Variants in GPR89B observed in about 807,000 individuals in gnomAD.
The protein encoded by GPR89B is golgi pH regulator B, also known as G protein-coupled receptor 89B.
A neutral mutation model predicts 52.4 loss-of-function variants in GPR89B; 25 were observed. The ratio of observed to expected loss-of-function variants is 0.48; its 90% confidence interval spans 0.35 to 0.67. The LOEUF (loss-of-function observed/expected upper bound fraction) is 0.67, where lower values mean the gene tolerates loss of function less well. Among genes scored for constraint, GPR89B ranks in the 30% least tolerant of loss-of-function variants. GPR89B has a pLI of 0.01. For synonymous variants in GPR89B, 52 were observed against 151.2 expected, an observed-to-expected ratio of 0.34 and a Z score of 4.81; for missense variants, 146 against 450.2, an observed-to-expected ratio of 0.32 and a Z score of 6.11.
chr1:148,001,574 CAG>C, the GPR89B span: 4 of 915,090 alleles, frequency 4.4e-6, no homozygotes, highest in Admixed American at 4.1e-5. Flanking sequence ...AAAAATAAAA[CAG>C]ATTTTCTGCT....
chr1:147,989,809 A>G (rs1658928369), intron 12 of GPR89B, among the ~76,000 whole-genome samples: 1 of 151,992 alleles, frequency 6.6e-6, no homozygotes, highest in East Asian at 1.9e-4. Context: ...TATGTGCCAC[A>G]TTTTCTTAAT....
chr1:147,932,922 CACTT>C (rs1215322687), intron 1 of GPR89B, among the ~76,000 whole-genome samples: 14 of 152,188 alleles, frequency 9.2e-5, no homozygotes, highest in Non-Finnish European at 1.6e-4. Flanking sequence ...TTGATTCTGA[CACTT>C]ACTATAAATT....
rs1425602305 is a variant in GPR89B at position 147,988,305 on chromosome 1, G to GA, written c.1006-119dup. On this transcript the variant is annotated intron_variant, in intron 11 of 13. Transcript: ENST00000314163. Reference sequence around the variant, plus strand: ...TTACTTGCTTTCCTCTCTCCCTTAAGAAAAAAAATCAGGTAGGGTCTAATA... The same window carrying GA: ...TTACTTGCTTTCCTCTCTCCCTTAAGAAAAAAAAATCAGGTAGGGTCTAATA... 5.0e-4 allele frequency: 621 copies of GA among 1,236,840 alleles called. 2 individuals carry two copies. Among genetic ancestry groups the GA allele is most frequent in the South Asian group, 1.0e-3 (83 of 79,576 alleles). 76.6% of individuals were successfully genotyped at this position (1,236,840 alleles called of 1,614,324 possible).
chr1:147,983,021 C>T (rs1281731998), intron 10 of GPR89B, among the ~76,000 whole-genome samples: 12 of 151,998 alleles, frequency 7.9e-5, no homozygotes, highest in Non-Finnish European at 1.3e-4. Flanking sequence ...GAAATCACGC[C>T]GCATATCTAC....
downstream of GPR89B, chr1:147,993,775 T>C (rs1384511654): frequency 2.7e-5 from 4 of 150,526 alleles, no homozygotes; most frequent in African/African-American, 9.9e-5. Context: ...CTTTATTGTG[T>C]TTTGGGTTTC....
At chr1:148,020,540 A>T in the GPR89B span, among the ~76,000 whole-genome samples, 2 of 150,884 alleles carry the variant, frequency 1.3e-5, no homozygotes, top group Non-Finnish European at 2.9e-5. Flanking sequence ...TTTCCGGCAA[A>T]TGCAGCGTCC....
intron 10 of GPR89B, among the ~76,000 whole-genome samples, chr1:147,971,543 C>T (rs1202766200): frequency 7.1e-5 from 10 of 141,320 alleles, no homozygotes; most frequent in East Asian, 6.4e-4. Context: ...GGCATGATCT[C>T]GGCTCACTGC....
chr1:148,011,967 T>C, the GPR89B span: 5 of 152,140 alleles, frequency 3.3e-5, no homozygotes, highest in African/African-American at 9.7e-5. Flanking sequence ...AAATCTTTGG[T>C]GGATTCCCCC....
chr1:147,942,096 A>G (rs587601255), intron 3 of GPR89B, among the ~76,000 whole-genome samples: 3 of 152,210 alleles, frequency 2.0e-5, no homozygotes, highest in Non-Finnish European at 4.4e-5. Flanking sequence ...TCTAGAATAT[A>G]TAAAGAATTC....
chr1:147,980,818 C>CAAAAAAA lies in GPR89B; in HGVS notation c.910-5359_910-5353dup, dbSNP rs1176400328. 1.4e-3 allele frequency among the ~76,000 whole-genome samples: 31 copies of CAAAAAAA among 22,568 alleles called. 2 individuals carry two copies. The East Asian group carries it at 0.016, about 12-fold the overall frequency. 14.8% of individuals were successfully genotyped at this position (22,568 alleles called of 152,430 possible). ...TGGGCGACAGAGCGAGACTCCGTCT[C>CAAAAAAA]AAAAAAAAAAAAAAAAAAAAAAAAA... is the stretch of plus-strand genomic sequence containing the variant. On this transcript the variant is annotated intron_variant, in intron 10 of 13. Coordinates refer to ENST00000314163, the MANE Select transcript of GPR89B (RefSeq NM_016334.5).
chr1:147,950,222 C>T (rs1191138579), intron 5 of GPR89B, among the ~76,000 whole-genome samples: 3 of 150,058 alleles, frequency 2.0e-5, no homozygotes, highest in South Asian at 2.1e-4. Context: ...TCAGACGGGG[C>T]GGCTGGGCAG....
At chr1:148,016,632 T>C in the GPR89B span, among the ~76,000 whole-genome samples, 1 of 152,012 alleles carries the variant, frequency 6.6e-6, no homozygotes, top group African/African-American at 2.4e-5. Flanking sequence ...AAAAATTGGC[T>C]GGGAACAGTG....
chr1:148,007,125 G>A, the GPR89B span, among the ~76,000 whole-genome samples: 2 of 141,826 alleles, frequency 1.4e-5, no homozygotes, highest in Non-Finnish European at 3.0e-5. Flanking sequence ...GCCCAGCCTG[G>A]AGTGCAGTGG....
At chr1:147,968,077 T>G in intron 8 of GPR89B, 1 of 356,014 alleles carries the variant, frequency 2.8e-6, no homozygotes. Context: ...TTACTATGTT[T>G]ATTACTTAAA....
At chr1:147,970,527 C>CTCTCTA (rs1657364837) in intron 10 of GPR89B, among the ~76,000 whole-genome samples, 3 of 140,120 alleles carry the variant, frequency 2.1e-5, no homozygotes, top group Non-Finnish European at 3.1e-5. Context: ...CTCTCTCTCT[C>CTCTCTA]TCTCTCTATC....
intron 1 of GPR89B, among the ~76,000 whole-genome samples, chr1:147,933,214 A>G (rs1343305469): frequency 2.7e-5 from 4 of 150,060 alleles, no homozygotes; most frequent in African/African-American, 7.4e-5. Flanking sequence ...TCTCTAGCCT[A>G]TTATCTAATG....
intron 7 of GPR89B, among the ~76,000 whole-genome samples, chr1:147,962,803 C>T (rs1337041278): frequency 1.3e-5 from 2 of 150,522 alleles, no homozygotes; most frequent in African/African-American, 4.9e-5. Flanking sequence ...GAGGCTGAGG[C>T]AGGAGAATTG....
chr1:147,950,151 G>T (rs1419737965), intron 5 of GPR89B, among the ~76,000 whole-genome samples: 3 of 151,022 alleles, frequency 2.0e-5, no homozygotes, highest in African/African-American at 7.3e-5. Context: ...GTGGCTGCCG[G>T]GCGGAGGGGC....
chr1:147,933,577 C>T (rs1653829149), intron 1 of GPR89B, among the ~76,000 whole-genome samples: 1 of 151,872 alleles, frequency 6.6e-6, no homozygotes, highest in Non-Finnish European at 1.5e-5. Flanking sequence ...TCATTTTCCC[C>T]ATCCTCTGCC....
Sources: gnomAD v4.1 joint callset for allele counts (sites outside exome capture counted in the v4.1 genomes callset) on GRCh38, gnomAD v4.1.1 for gene constraint, MANE v1.5 for transcripts, NCBI Gene and HGNC (gene_info 2026-07-23, HGNC 2026-07-21) for gene names.